Variants in PRKCSH observed in about 807,000 individuals in gnomAD.
PRKCSH encodes PRKCSH beta subunit of glucosidase II.
Under a neutral mutation model 79.7 loss-of-function variants are expected in PRKCSH, and 42 were observed. That is an observed-to-expected ratio of 0.53 (90% confidence interval 0.41 to 0.68). PRKCSH has a LOEUF of 0.68. Among genes scored for constraint, PRKCSH ranks in the 30% least tolerant of loss-of-function variants. PRKCSH has a pLI of 0.00. For missense variants in PRKCSH, 686 were observed against 709.0 expected (o/e 0.97, Z 0.37); for synonymous variants, 325 against 288.2 (o/e 1.13, Z -1.29).
intron 9 of PRKCSH, 90 bp downstream of exon 9, chr19:11,446,440 C>A: frequency 1.4e-6 from 2 of 1,454,326 alleles, no homozygotes; most frequent in Non-Finnish European, 1.9e-6. Flanking sequence ...AGGAAAGCTC[C>A]TTGCTGGCCT....
Position 11,449,523 on chromosome 19 carries a change from G to A in PRKCSH, c.*16+95G>A. 1 of 1,503,096 alleles carries A rather than the reference G, an allele frequency of 6.7e-7. No individual in the cohort carries two copies. Among genetic ancestry groups the A allele is most frequent in the Non-Finnish European group, 9.2e-7 (1 of 1,090,596 alleles). 93.1% of individuals were successfully genotyped at this position (1,503,096 alleles called of 1,614,324 possible). On this transcript the variant is annotated intron_variant, in intron 17 of 17. Transcript: ENST00000677123. This position sits in a 1 kb window ranked among gnomAD's most constrained non-coding sequence, Gnocchi z 6.4. The stretch of plus-strand genomic sequence containing the variant: ...ACCCACATGGCCACTCTATCAACCT[G>A]TGTCCCCATGTTCCCTGCTTTTTTG...
chr19:11,442,417 A>C lies in PRKCSH; in HGVS notation c.500A>C (p.Lys167Thr). 1 of 1,610,088 alleles carries C rather than the reference A, an allele frequency of 6.2e-7. No homozygotes were observed. The highest frequency in any genetic ancestry group is 2.2e-5 in the East Asian group (1 of 44,834). The change falls in exon 7 of 18, where the codon AAG becomes ACG. Residue 167 changes from lysine to threonine, a missense_variant. This residue lies in a region of PRKCSH where 549 missense variants were observed against 520.2 expected (regional missense o/e 1.06). Transcript: ENST00000677123. ...KKLIELQAGK[K>T]SLEDQVEMLR... ...CTCATTGAGCTACAGGCTGGGAAGAAGTCTCTGGAAGACCAGGTGGAGATG... is the reference window on the plus strand; with the variant it reads ...CTCATTGAGCTACAGGCTGGGAAGACGTCTCTGGAAGACCAGGTGGAGATG...
chr19:11,436,128 CGCTGCT>C lies in PRKCSH; in HGVS notation c.21_26del (p.Leu8_Leu9del), dbSNP rs773220527. Reference sequence around the variant, plus strand: ...AGAGCGTCTGGTGAGATGCTGTTGCCGCTGCTGCTGCTGCTACCCATGTGCTGGGCC... The same window carrying C: ...AGAGCGTCTGGTGAGATGCTGTTGCCGCTGCTGCTACCCATGTGCTGGGCC... On this transcript the variant is annotated inframe_deletion, in exon 2 of 18. Coordinates refer to ENST00000677123, the MANE Select transcript of PRKCSH (RefSeq NM_001289104.2). 3 of 1,608,494 alleles carry C rather than the reference CGCTGCT, an allele frequency of 1.9e-6. No individual in the cohort carries two copies. The highest frequency in any genetic ancestry group is 1.1e-5 in the South Asian group (1 of 90,864).
chr19:11,446,699 T>C (rs1378600611), intron 9 of PRKCSH, among the ~76,000 whole-genome samples: 1 of 151,170 alleles, frequency 6.6e-6, no homozygotes, highest in African/African-American at 2.4e-5. Context: ...CCCTGGCTTC[T>C]GGCCTCCCTT....
chr19:11,448,979 C>G lies in PRKCSH; in HGVS notation c.1352C>G (p.Thr451Ser), dbSNP rs1457071087. 1.2e-5 allele frequency: 20 copies of G among 1,614,046 alleles called. No individual in the cohort carries two copies. Among genetic ancestry groups the G allele is most frequent in the Non-Finnish European group, 1.7e-5 (20 of 1,180,036 alleles). Residue 451 changes from threonine (T) to serine (S), a missense_variant, in exon 15 of 18, where the codon ACC becomes AGC. Transcript: ENST00000677123. This position sits in a 1 kb window ranked among gnomAD's most constrained non-coding sequence, Gnocchi z 4.4. ...AAACCCAAACTCGGGGGCTCTCCCA[C>G]CAGCCTTGGGTGAGTGGCTTGGGCT... ...SQKPKLGGSP[T>S]SLGTWGSWIG...
chr19:11,436,696 C>T, intron 3 of PRKCSH, 191 bp downstream of exon 3: 3 of 592,166 alleles, frequency 5.1e-6, no homozygotes, highest in East Asian at 6.0e-5. Context: ...TCCCAAGCCT[C>T]GGGGTCAGAG....
In PRKCSH at chr19:11,447,687, C is replaced by A. The variant is rs1429941326; in HGVS notation, c.1030-6C>A. The A allele has an allele frequency of 2.6e-6, 4 of 1,565,800 alleles. No homozygotes were observed. Among genetic ancestry groups the A allele is most frequent in the South Asian group, 1.2e-5 (1 of 84,848 alleles). ...GGGCTACTCACTGACCCTGCCCCTG[C>A]CCCAGGAGGCCCCACCGCCACTGTC... On this transcript the variant is annotated splice_polypyrimidine_tract_variant and splice_region_variant and intron_variant, in intron 11 of 17. Coordinates refer to ENST00000677123, the MANE Select transcript of PRKCSH (RefSeq NM_001289104.2). The surrounding 1 kb of genome is among the most constrained non-coding windows in gnomAD (Gnocchi z 5.6).
Position 11,447,824 on chromosome 19 carries a change from G to T in PRKCSH, c.1126+35G>T. 1 of 1,525,740 alleles carries T rather than the reference G, an allele frequency of 6.6e-7. No homozygotes were observed. The highest frequency in any genetic ancestry group is 8.8e-7 in the Non-Finnish European group (1 of 1,134,166). 94.5% of individuals were successfully genotyped at this position (1,525,740 alleles called of 1,614,324 possible). On this transcript the variant is annotated intron_variant, in intron 12 of 17. Coordinates refer to ENST00000677123, the MANE Select transcript of PRKCSH (RefSeq NM_001289104.2). The surrounding 1 kb of genome is among the most constrained non-coding windows in gnomAD (Gnocchi z 5.6). ...GGCGGGGGCCAGGCTCCTCGGGTGGGCCCAGCGTTTCCTGCCGTGGTGGCA... is the reference window on the plus strand; with the variant it reads ...GGCGGGGGCCAGGCTCCTCGGGTGGTCCCAGCGTTTCCTGCCGTGGTGGCA...
intron 5 of PRKCSH, among the ~76,000 whole-genome samples, chr19:11,439,291 C>T (rs896839132): frequency 1.3e-5 from 2 of 152,160 alleles, no homozygotes; most frequent in Non-Finnish European, 2.9e-5. Flanking sequence ...AAATAAGACC[C>T]GGCTCATGGT....
At chr19:11,446,428 C>T (rs894388279) in intron 9 of PRKCSH, 78 bp downstream of exon 9, 3 of 1,493,498 alleles carry the variant, frequency 2.0e-6, no homozygotes, top group South Asian at 2.4e-5. Flanking sequence ...GGAGGGGGAC[C>T]AAGGAAAGCT....
Position 11,436,153 on chromosome 19 carries a change from C to T in PRKCSH, c.36C>T (p.Cys12=), listed in dbSNP as rs770415439. ...CGCTGCTGCTGCTGCTACCCATGTGCTGGGCCGTGGAGGTCAAGAGGCCCC... is the reference window on the plus strand; with the variant it reads ...CGCTGCTGCTGCTGCTACCCATGTGTTGGGCCGTGGAGGTCAAGAGGCCCC... ...LLPLLLLLPM[C]WAVEVKRPRG... is the part of the protein sequence containing the mutation. Residue 12 remains cysteine, a synonymous_variant, in exon 2 of 18, where the codon TGC becomes TGT. Transcript: ENST00000677123. 7.5e-6 allele frequency: 12 copies of T among 1,604,814 alleles called. No homozygotes were observed. The Admixed American group carries it at 1.9e-4, about 25-fold the overall frequency.
rs1259334500 is a variant in PRKCSH, at chr19:11,441,231, G to A, written c.351-9G>A. ...CCACTGGTGGTGCCTGTGTGTCTCC[G>A]CACCGCAGAGAGAAGGGCCGTAAGG... On this transcript the variant is annotated splice_polypyrimidine_tract_variant and intron_variant, in intron 5 of 17. Transcript: ENST00000677123. 4 of 1,613,448 alleles carry A rather than the reference G, an allele frequency of 2.5e-6. No individual in the cohort carries two copies. Among genetic ancestry groups the A allele is most frequent in the Non-Finnish European group, 2.5e-6 (3 of 1,179,564 alleles).
In PRKCSH at chr19:11,448,963, C is replaced by T. The variant is rs3203556; in HGVS notation, c.1336C>T (p.Leu446Phe). Residue 446 changes from leucine to phenylalanine, a missense_variant, in exon 15 of 18, where the codon CTC (leucine) becomes TTC (phenylalanine). Leu to Phe is a conservative substitution (Grantham distance 22). This residue lies in a region of PRKCSH where 137 missense variants were observed against 188.8 expected (regional missense o/e 0.73). Coordinates refer to ENST00000677123, the MANE Select transcript of PRKCSH (RefSeq NM_001289104.2). The surrounding 1 kb of genome is among the most constrained non-coding windows in gnomAD (Gnocchi z 4.4). ...CAAGCTTGTCTCGCAGAAACCCAAACTCGGGGGCTCTCCCACCAGCCTTGG... is the reference window on the plus strand; with the variant it reads ...CAAGCTTGTCTCGCAGAAACCCAAATTCGGGGGCTCTCCCACCAGCCTTGG... Reference protein sequence around the residue: ...PFKLVSQKPKLGGSPTSLGTW... With the variant: ...PFKLVSQKPKFGGSPTSLGTW... 8 of 1,614,078 alleles carry T rather than the reference C, an allele frequency of 5.0e-6. No individual in the cohort carries two copies. In the South Asian group the frequency reaches 6.6e-5, roughly 13 times the overall value.
rs1280326560 is a variant in PRKCSH at position 11,441,076 on chromosome 19, A to G, written c.351-164A>G. 3 of 750,158 alleles carry G rather than the reference A, an allele frequency of 4.0e-6. No individual in the cohort carries two copies. The Admixed American group carries it at 5.6e-5, about 14-fold the overall frequency. The allele number at this position is 750,158 out of a possible 1,614,324, so 46.5% of individuals were successfully genotyped here. A position where few individuals can be genotyped will look rare whatever the true frequency, so the allele number is the denominator to read the frequency against. ...CACTGTTCCTCTTTCAAGGACAGGA[A>G]TGAAGGATGCTGATGTTGAGAGAAC... On this transcript the variant is annotated intron_variant, in intron 5 of 17. Transcript: ENST00000677123.
chr19:11,447,573 A>AGAGGAGGAGGAGGAGGATTCC lies in PRKCSH; in HGVS notation c.989_1009dup (p.Glu330_Glu336dup), dbSNP rs1568369146. 1 of 1,570,730 alleles carries AGAGGAGGAGGAGGAGGATTCC rather than the reference A, an allele frequency of 6.4e-7. No homozygotes were observed. Among genetic ancestry groups the AGAGGAGGAGGAGGAGGATTCC allele is most frequent in the Admixed American group, 1.8e-5 (1 of 57,028 alleles). On this transcript the variant is annotated inframe_insertion, in exon 11 of 18. Coordinates refer to ENST00000677123, the MANE Select transcript of PRKCSH (RefSeq NM_001289104.2). The surrounding 1 kb of genome is among the most constrained non-coding windows in gnomAD (Gnocchi z 5.6). Reference sequence around the variant, plus strand: ...AGGAGGAGGAAGAAGAGGCTGAAGAAGAGGAGGAGGAGGAGGATTCCGAGG... The same window carrying AGAGGAGGAGGAGGAGGATTCC: ...AGGAGGAGGAAGAAGAGGCTGAAGAAGAGGAGGAGGAGGAGGATTCCGAGGAGGAGGAGGAGGATTCCGAGG...
Position 11,447,516 on chromosome 19 carries a change from G to A in PRKCSH, c.927G>A (p.Ser309=), listed in dbSNP as rs748275264. Residue 309 remains serine (S), a synonymous_variant, in exon 11 of 18, where the codon TCG becomes TCA. Coordinates refer to ENST00000677123, the MANE Select transcript of PRKCSH (RefSeq NM_001289104.2). This position sits in a 1 kb window ranked among gnomAD's most constrained non-coding sequence, Gnocchi z 5.6. ...AGGAGGAGCAGCCGCCAGTGCCCTC[G>A]TCGCCCACAGAGGAGGAGGAGGAGG... The part of the protein sequence containing the change: ...EPKEEQPPVP[S]SPTEEEEEEE... 8 of 1,611,000 alleles carry A rather than the reference G, an allele frequency of 5.0e-6. No homozygotes were observed. Among genetic ancestry groups the A allele is most frequent in the South Asian group, 1.1e-5 (1 of 90,866 alleles).
chr19:11,445,659 G>A lies in PRKCSH; in HGVS notation c.683+186G>A, dbSNP rs192379178. 1,167 of 668,070 alleles carry A rather than the reference G, an allele frequency of 1.7e-3. 2 individuals are homozygous for A. Among genetic ancestry groups the A allele is most frequent in the Non-Finnish European group, 2.8e-3 (1,044 of 370,088 alleles). 41.4% of individuals were successfully genotyped at this position (668,070 alleles called of 1,614,324 possible). ...TGGCCAGGTCCAGGATGCCCTGGGC[G>A]AGGAGATAGGGGGACCACCCTCTCC... is the stretch of plus-strand genomic sequence containing the variant. On this transcript the variant is annotated intron_variant, in intron 8 of 17. Coordinates refer to ENST00000677123, the MANE Select transcript of PRKCSH (RefSeq NM_001289104.2).
intron 3 of PRKCSH, chr19:11,436,729 G>C (rs937116356): frequency 1.9e-6 from 1 of 539,336 alleles, no homozygotes; most frequent in Non-Finnish European, 3.3e-6. Context: ...AGGAGGTGAG[G>C]TTTCAGTTGA....
At chr19:11,444,305 C>G (rs1970195944) in intron 7 of PRKCSH, among the ~76,000 whole-genome samples, 1 of 152,124 alleles carries the variant, frequency 6.6e-6, no homozygotes, top group African/African-American at 2.4e-5. Context: ...AGGGAAGCGC[C>G]ATGTTTTGAC....
Sources: gnomAD v4.1 joint callset for allele counts (sites outside exome capture counted in the v4.1 genomes callset) on GRCh38, gnomAD v4.1.1 for gene constraint, gnomAD v4.1.1 regional missense constraint, Gnocchi (gnomAD v3.1) non-coding constraint, MANE v1.5 for transcripts, NCBI Gene and HGNC (gene_info 2026-07-23, HGNC 2026-07-21) for gene names.